Variants in ENAH observed in about 807,000 individuals in gnomAD.
The protein encoded by ENAH is protein enabled homolog.
Under a neutral mutation model 78.7 loss-of-function variants are expected in ENAH, and 23 were observed. The ratio of observed to expected loss-of-function variants is 0.29; its 90% confidence interval spans 0.21 to 0.41. The LOEUF (loss-of-function observed/expected upper bound fraction) is 0.41. ENAH is among the 10% of genes least tolerant of loss of function. ENAH has a pLI of 1.00. For synonymous variants in ENAH, 226 were observed against 241.0 expected, an observed-to-expected ratio of 0.94 and a Z score of 0.58; for missense variants, 544 against 691.0, an observed-to-expected ratio of 0.79 and a Z score of 2.39.
At chr1:225,535,752 T>A (rs538058948) in intron 3 of ENAH, among the ~76,000 whole-genome samples, 7 of 152,248 alleles carry the variant, frequency 4.6e-5, no homozygotes, top group South Asian at 4.1e-4. Context: ...CTTAAAAAAA[T>A]TTATGCAATC....
intron 11 of ENAH, among the ~76,000 whole-genome samples, chr1:225,505,429 T>C (rs1191552886): frequency 1.3e-5 from 2 of 152,220 alleles, no homozygotes; most frequent in Non-Finnish European, 2.9e-5. Context: ...TCCCAAACGT[T>C]ATAATCCAGT....
At chr1:225,629,139 G>A (rs1010770211) in intron 1 of ENAH, among the ~76,000 whole-genome samples, 4 of 151,922 alleles carry the variant, frequency 2.6e-5, no homozygotes, top group East Asian at 3.9e-4. Context: ...TTAGATGGGC[G>A]TGGTGGACAG....
intron 2 of ENAH, among the ~76,000 whole-genome samples, chr1:225,562,571 C>CAAAAAAAA (rs869309795): frequency 5.8e-4 from 22 of 38,096 alleles, no homozygotes; most frequent in East Asian, 3.6e-3. Flanking sequence ...GACTGCGTCT[C>CAAAAAAAA]AAAAAAAAAA....
chr1:225,590,554 T>TA (rs1376087976), intron 1 of ENAH, among the ~76,000 whole-genome samples: 1 of 152,192 alleles, frequency 6.6e-6, no homozygotes, highest in Non-Finnish European at 1.5e-5. Context: ...TGTTTCTACT[T>TA]AGATATCATA....
chr1:225,493,885 C>A lies in ENAH; in HGVS notation c.*3890G>T, dbSNP rs12027843. Reference sequence around the variant, plus strand: ...ACTACTTAGAATTAAAAGGCCAATTCTTCACAATGGCACTGAAAGTATATA... The same window carrying A: ...ACTACTTAGAATTAAAAGGCCAATTATTCACAATGGCACTGAAAGTATATA... On this transcript the variant is annotated 3_prime_UTR_variant, in exon 14 of 14. Transcript: ENST00000366843. 1 of 151,956 alleles carries A rather than the reference C, an allele frequency of 6.6e-6. No homozygotes were observed. Among genetic ancestry groups the A allele is most frequent in the African/African-American group, 2.4e-5 (1 of 41,382 alleles). 9.4% of individuals were successfully genotyped at this position (151,956 alleles called of 1,614,324 possible).
At chr1:225,541,631 A>T (rs1453273516) in intron 3 of ENAH, among the ~76,000 whole-genome samples, 2 of 152,210 alleles carry the variant, frequency 1.3e-5, no homozygotes, top group Non-Finnish European at 2.9e-5. Flanking sequence ...ATTGTTTATA[A>T]CACAAAGTTT....
intron 1 of ENAH, among the ~76,000 whole-genome samples, chr1:225,634,443 G>A (rs1439890731): frequency 6.6e-6 from 1 of 152,142 alleles, no homozygotes; most frequent in African/African-American, 2.4e-5. Context: ...GGAGAGAAAG[G>A]TTAAGGTGTG....
intron 1 of ENAH, among the ~76,000 whole-genome samples, chr1:225,597,398 A>G (rs1358406467): frequency 6.6e-6 from 1 of 152,142 alleles, no homozygotes; most frequent in African/African-American, 2.4e-5. Context: ...GGTGGCTCAC[A>G]CCTATAATCT....
intron 1 of ENAH, among the ~76,000 whole-genome samples, chr1:225,579,791 AATAAT>A (rs1332419362): frequency 6.6e-6 from 1 of 152,252 alleles, no homozygotes; most frequent in Non-Finnish European, 1.5e-5. Flanking sequence ...GGTAAAAAGA[AATAAT>A]ATATTTTCAG....
intron 3 of ENAH, among the ~76,000 whole-genome samples, chr1:225,552,305 T>A (rs2096645138): frequency 6.6e-6 from 1 of 151,390 alleles, no homozygotes; most frequent in Non-Finnish European, 1.5e-5. Context: ...CCCGGCTAAT[T>A]TTTTTGTATT....
chr1:225,616,871 G>A (rs1050824595), intron 1 of ENAH, among the ~76,000 whole-genome samples: 4 of 152,196 alleles, frequency 2.6e-5, no homozygotes, highest in South Asian at 2.1e-4. Flanking sequence ...AGGCTGAGGC[G>A]GGCAGATCAC....
At chr1:225,643,597 G>A (rs1268567305) in intron 1 of ENAH, among the ~76,000 whole-genome samples, 10 of 152,220 alleles carry the variant, frequency 6.6e-5, no homozygotes, top group Non-Finnish European at 1.5e-4. Flanking sequence ...CAAAGCAATG[G>A]AATATTATGC....
At chr1:225,581,022 T>G (rs566486193) in intron 1 of ENAH, among the ~76,000 whole-genome samples, 1 of 142,444 alleles carries the variant, frequency 7.0e-6, no homozygotes, top group East Asian at 2.0e-4. Flanking sequence ...CCACCCATCT[T>G]TTTTTAACTG....
chr1:225,564,657 T>C (rs534703920), intron 2 of ENAH, among the ~76,000 whole-genome samples: 5 of 152,072 alleles, frequency 3.3e-5, no homozygotes, highest in Admixed American at 3.3e-4. Flanking sequence ...CAGGCTGGTC[T>C]TGAACTCTTG....
intron 2 of ENAH, among the ~76,000 whole-genome samples, chr1:225,555,854 T>C (rs2096663935): frequency 6.6e-6 from 1 of 152,184 alleles, no homozygotes; most frequent in South Asian, 2.1e-4. Flanking sequence ...AAAACTAACA[T>C]ATCATTCTGA....
In ENAH at chr1:225,530,555, T is replaced by G; in HGVS notation, c.433A>C (p.Arg145=). The change falls in exon 4 of 14, where the codon AGA becomes CGA. Residue 145 remains arginine, a splice_region_variant and synonymous_variant. Transcript: ENST00000366843. ...PSQEELEIQR[R]QLQEQQRQKE... ...ACAAACAATAACTTGAAAATTTACC[T>G]TCTTTGAATTTCCAATTCTTCTTGG... 6.2e-7 allele frequency: 1 copy of G among 1,610,226 alleles called. No homozygotes were observed. The highest frequency in any genetic ancestry group is 1.1e-5 in the South Asian group (1 of 90,952).
intron 4 of ENAH, among the ~76,000 whole-genome samples, chr1:225,524,344 T>G (rs6680682): frequency 1.3e-5 from 2 of 152,204 alleles, no homozygotes; most frequent in African/African-American, 4.8e-5. Flanking sequence ...ATAGTGTTAC[T>G]AGGTAAATAA....
At chr1:225,562,997 G>A (rs577650156) in intron 2 of ENAH, among the ~76,000 whole-genome samples, 1 of 150,808 alleles carries the variant, frequency 6.6e-6, no homozygotes, top group South Asian at 2.1e-4. Context: ...CGAAATGCAA[G>A]AATGAAAGAC....
At chr1:225,585,215 C>CAAA (rs58586397) in intron 1 of ENAH, among the ~76,000 whole-genome samples, 37 of 49,930 alleles carry the variant, frequency 7.4e-4, no homozygotes, top group South Asian at 2.6e-3. Context: ...TACCCTGTCT[C>CAAA]AAAAAAAAAA....
Sources: gnomAD v4.1 joint callset for allele counts (sites outside exome capture counted in the v4.1 genomes callset) on GRCh38, gnomAD v4.1.1 for gene constraint, MANE v1.5 for transcripts, NCBI Gene and HGNC (gene_info 2026-07-23, HGNC 2026-07-21) for gene names.